GRID2: variants seen among roughly 807,000 people sequenced by gnomAD.
The protein encoded by GRID2 is glutamate ionotropic receptor delta type subunit 2, also known as glutamate receptor ionotropic, delta-2.
In GRID2, 33 loss-of-function variants were observed where a neutral mutation model predicts 114.8. That is an observed-to-expected ratio of 0.29 (90% CI 0.22 to 0.38). The LOEUF is 0.38. Among genes scored for constraint, GRID2 ranks in the 10% least tolerant of loss-of-function variants. GRID2 has a pLI of 1.00. For synonymous variants in GRID2, 505 were observed against 449.9 expected (o/e 1.12, Z -1.55); for missense variants, 1,184 against 1,257.7 (o/e 0.94, Z 0.89).
intron 1 of GRID2, among the ~76,000 whole-genome samples, chr4:92,400,020 TA>T (rs1730710708): frequency 6.6e-6 from 1 of 152,144 alleles, no homozygotes; most frequent in Non-Finnish European, 1.5e-5. Flanking sequence ...TCATAATGAA[TA>T]AATACAGAGT....
chr4:93,588,301 T>G (rs1737747613), intron 13 of GRID2, among the ~76,000 whole-genome samples: 1 of 152,126 alleles, frequency 6.6e-6, no homozygotes, highest in African/African-American at 2.4e-5. Flanking sequence ...AATCAAAATT[T>G]TTTTTGCAGT....
intron 2 of GRID2, among the ~76,000 whole-genome samples, chr4:92,880,156 T>C (rs1168754176): frequency 3.9e-5 from 6 of 152,154 alleles, no homozygotes; most frequent in East Asian, 3.9e-4. Context: ...TCTGTGATAA[T>C]GTGACCTTCC....
chr4:93,482,609 G>A (rs1364318774), intron 11 of GRID2, among the ~76,000 whole-genome samples: 1 of 151,574 alleles, frequency 6.6e-6, no homozygotes, highest in Non-Finnish European at 1.5e-5. Context: ...CTAAATGACG[G>A]GTTGATGTTT....
chr4:93,563,881 C>G (rs890937152), intron 13 of GRID2, among the ~76,000 whole-genome samples: 1 of 151,710 alleles, frequency 6.6e-6, no homozygotes, highest in Non-Finnish European at 1.5e-5. Flanking sequence ...CTTATGCTAT[C>G]AACAAACATA....
intron 2 of GRID2, among the ~76,000 whole-genome samples, chr4:92,866,668 C>A (rs902881351): frequency 6.6e-6 from 1 of 151,690 alleles, no homozygotes; most frequent in African/African-American, 2.4e-5. Flanking sequence ...CTCAGCCTCC[C>A]GAGTAGCTGG....
intron 1 of GRID2, among the ~76,000 whole-genome samples, chr4:92,442,254 G>C (rs58886190): frequency 0.16 from 24,159 of 151,822 alleles, 2,437 homozygotes; most frequent in African/African-American, 0.29. Flanking sequence ...AGAAGATCTG[G>C]GAAGGAGTCA....
At chr4:92,446,284 C>T (rs886701464) in intron 1 of GRID2, among the ~76,000 whole-genome samples, 3 of 152,218 alleles carry the variant, frequency 2.0e-5, no homozygotes, top group South Asian at 2.1e-4. Context: ...GTTCTTACCT[C>T]TTCTTGGTAC....
chr4:93,244,856 GT>G (rs1300546858), intron 8 of GRID2, among the ~76,000 whole-genome samples: 1 of 151,136 alleles, frequency 6.6e-6, no homozygotes, highest in Non-Finnish European at 1.5e-5. Context: ...TTATCTTTTG[GT>G]ATTACCCTGT....
intron 1 of GRID2, among the ~76,000 whole-genome samples, chr4:93,802,739 A>G (rs1421844940): frequency 1.3e-5 from 2 of 152,240 alleles, no homozygotes; most frequent in Non-Finnish European, 2.9e-5. Flanking sequence ...ACCCATAGTC[A>G]ACATCTCTGC....
At chr4:92,363,994 A>G (rs1301296596) in intron 1 of GRID2, among the ~76,000 whole-genome samples, 2 of 151,652 alleles carry the variant, frequency 1.3e-5, no homozygotes, top group Admixed American at 6.6e-5. Context: ...TAAGTTTTGT[A>G]TTTTTAGTAG....
intron 3 of GRID2, among the ~76,000 whole-genome samples, chr4:93,102,944 T>G (rs1731840274): frequency 6.6e-6 from 1 of 151,890 alleles, no homozygotes; most frequent in Non-Finnish European, 1.5e-5. Flanking sequence ...AGGCTTTACA[T>G]ATCATCAAAG....
rs144723587 is a variant in GRID2, at chr4:93,126,248, A to G, written c.735+15295A>G. Among the ~76,000 whole-genome samples, 968 of 152,000 alleles carry G rather than the reference A, an allele frequency of 6.4e-3. 18 individuals are homozygous for G. Among genetic ancestry groups the G allele is most frequent in the African/African-American group, 0.023 (936 of 41,460 alleles). On this transcript the variant is annotated intron_variant, in intron 4 of 15. Transcript: ENST00000282020. ...GAAATGTTTCCAGTGATAATTTTTA[A>G]TTTTTTTTCAAATTGCCAGTTTTAA...
intron 14 of GRID2, among the ~76,000 whole-genome samples, chr4:93,678,414 G>T (rs1313815318): frequency 1.3e-5 from 2 of 152,020 alleles, no homozygotes; most frequent in Non-Finnish European, 2.9e-5. Flanking sequence ...TCAGATTCAG[G>T]AAATACAGAG....
intron 13 of GRID2, among the ~76,000 whole-genome samples, chr4:93,587,997 C>T (rs975015439): frequency 1.3e-5 from 2 of 152,064 alleles, no homozygotes; most frequent in Non-Finnish European, 2.9e-5. Context: ...CTATATTAAC[C>T]TTTGCTGTTA....
chr4:93,675,131 C>G (rs1365777984), intron 14 of GRID2, among the ~76,000 whole-genome samples: 3 of 152,100 alleles, frequency 2.0e-5, no homozygotes, highest in Admixed American at 6.6e-5. Context: ...AAACATCTCA[C>G]AAATAACGTG....
intron 2 of GRID2, among the ~76,000 whole-genome samples, chr4:92,967,741 T>C (rs551361563): frequency 2.6e-5 from 4 of 152,048 alleles, no homozygotes; most frequent in African/African-American, 7.2e-5. Flanking sequence ...TTCAGGATTA[T>C]GAAAATATAT....
At chr4:92,490,263 A>T (rs912670370) in intron 1 of GRID2, among the ~76,000 whole-genome samples, 1 of 152,186 alleles carries the variant, frequency 6.6e-6, no homozygotes, top group Non-Finnish European at 1.5e-5. Context: ...AAATTAAAAG[A>T]TGCATTTGGA....
intron 2 of GRID2, among the ~76,000 whole-genome samples, chr4:92,848,321 C>T (rs1743493796): frequency 6.6e-6 from 1 of 151,222 alleles, no homozygotes; most frequent in Non-Finnish European, 1.5e-5. Flanking sequence ...GCTTTCAATT[C>T]TCTCCTTTCT....
At chr4:92,863,766 T>C (rs928813602) in intron 2 of GRID2, among the ~76,000 whole-genome samples, 2 of 152,126 alleles carry the variant, frequency 1.3e-5, no homozygotes, top group African/African-American at 4.8e-5. Flanking sequence ...AGTTTTGCTA[T>C]TGTTAGGTCA....
Sources: gnomAD v4.1 joint callset for allele counts (sites outside exome capture counted in the v4.1 genomes callset) on GRCh38, gnomAD v4.1.1 for gene constraint, MANE v1.5 for transcripts, NCBI Gene and HGNC (gene_info 2026-07-23, HGNC 2026-07-21) for gene names.